KLRC1: variants seen among roughly 807,000 people sequenced by gnomAD.
KLRC1 encodes NKG2-A/NKG2-B type II integral membrane protein.
In KLRC1, 22 loss-of-function variants were observed where a neutral mutation model predicts 25.9. The observed-to-expected ratio is 0.85, with a 90% CI of 0.61 to 1.21. KLRC1 has a LOEUF of 1.21. KLRC1 is among the 50% of genes most tolerant of loss of function. KLRC1 has a pLI of 0.00. For missense variants in KLRC1, 240 were observed against 272.2 expected, an observed-to-expected ratio of 0.88 and a Z score of 0.83; for synonymous variants, 77 against 93.1, an observed-to-expected ratio of 0.83 and a Z score of 0.99.
downstream of KLRC1, among the ~76,000 whole-genome samples, chr12:10,443,031 GTTAA>G (rs1159733217): frequency 8.4e-6 from 1 of 118,606 alleles, no homozygotes; most frequent in Non-Finnish European, 1.8e-5. Flanking sequence ...GGTGAAAATG[GTTAA>G]TTAATGGGTA....
intron 1 of KLRC1, among the ~76,000 whole-genome samples, chr12:10,452,015 T>C (rs976673099): frequency 2.6e-5 from 4 of 151,758 alleles, no homozygotes; most frequent in Non-Finnish European, 5.9e-5. Context: ...TGAAATGTTC[T>C]AAGAAATTAT....
rs995504882 is a variant in KLRC1 at position 10,450,891 on chromosome 12, C to T, written c.187+79G>A. On this transcript the variant is annotated intron_variant, in intron 2 of 6. Transcript: ENST00000359151. ...TGCAAATAGAAGATATATGAGCACTCCCTTCTCTTTCCCCACATTCCTGTA... is the reference window on the plus strand; with the variant it reads ...TGCAAATAGAAGATATATGAGCACTTCCTTCTCTTTCCCCACATTCCTGTA... The T allele has an allele frequency of 8.7e-6, 9 of 1,035,272 alleles. No individual in the cohort carries two copies. In the African/African-American group the frequency reaches 1.3e-4, roughly 15 times the overall value. 64.1% of individuals were successfully genotyped at this position (1,035,272 alleles called of 1,614,324 possible). A position where few individuals can be genotyped will look rare whatever the true frequency, so the allele number is the denominator to read the frequency against.
intron 6 of KLRC1, 68 bp downstream of exon 6, chr12:10,447,464 T>G (rs1430514840): frequency 1.6e-6 from 2 of 1,261,728 alleles, no homozygotes; most frequent in African/African-American, 3.1e-5. Flanking sequence ...ATAGATTTAT[T>G]CATATTATTC....
At chr12:10,443,722 C>T (rs1173425679), downstream of KLRC1, among the ~76,000 whole-genome samples, 1 of 141,050 alleles carries the variant, frequency 7.1e-6, no homozygotes, top group Non-Finnish European at 1.5e-5. Flanking sequence ...TTCCCAAATA[C>T]ACTGTAATCT....
downstream of KLRC1, among the ~76,000 whole-genome samples, chr12:10,445,157 A>G (rs1159905738): frequency 6.6e-6 from 1 of 151,722 alleles, no homozygotes; most frequent in Non-Finnish European, 1.5e-5. Flanking sequence ...TGACCTCCTG[A>G]TCCACCGGCC....
At chr12:10,448,421 T>C (rs1341611006) in intron 5 of KLRC1, among the ~76,000 whole-genome samples, 1 of 152,160 alleles carries the variant, frequency 6.6e-6, no homozygotes, top group African/African-American at 2.4e-5. Flanking sequence ...CAGGCAAGGC[T>C]GGTACCACTG....
Position 10,449,231 on chromosome 12 carries a change from T to C in KLRC1, c.489+6A>G, listed in dbSNP as rs1864068470. 6.2e-7 allele frequency: 1 copy of C among 1,613,584 alleles called. No homozygotes were observed. The highest frequency in any genetic ancestry group is 1.3e-5 in the African/African-American group (1 of 74,904). ...TCATAAAGTGTTTAAAACATTTACA[T>C]CTTACCATTTCTTCTTCATTATCTA... On this transcript the variant is annotated splice_donor_region_variant and intron_variant, in intron 5 of 6. Coordinates refer to ENST00000359151, the MANE Select transcript of KLRC1 (RefSeq NM_002259.5).
intron 5 of KLRC1, 64 bp downstream of exon 5, chr12:10,449,173 T>C (rs987312707): frequency 1.9e-6 from 3 of 1,600,780 alleles, no homozygotes; most frequent in African/African-American, 2.7e-5. Flanking sequence ...ATGGATGATT[T>C]CTACAAATAT....
Position 10,453,347 on chromosome 12 carries a change from C to A in KLRC1, c.-181G>T, listed in dbSNP as rs980688689. 4.1e-6 allele frequency: 4 copies of A among 985,204 alleles called. No homozygotes were observed. The East Asian group carries it at 4.5e-4, about 112-fold the overall frequency. The allele number at this position is 985,204 out of a possible 1,614,324, so 61.0% of individuals were successfully genotyped here. ...AATGCCTGCAATCTTCGCAGACTGCCCTGTGAAGGCTCAGAGTGAGTCAAG... is the reference window on the plus strand; with the variant it reads ...AATGCCTGCAATCTTCGCAGACTGCACTGTGAAGGCTCAGAGTGAGTCAAG... On this transcript the variant is annotated 5_prime_UTR_variant, in exon 1 of 7. Coordinates refer to ENST00000359151, the MANE Select transcript of KLRC1 (RefSeq NM_002259.5).
At position 10,450,052 on chromosome 12, in the gene KLRC1, TA is replaced by T; in HGVS notation, c.284-86del. On this transcript the variant is annotated intron_variant, in intron 3 of 6. Coordinates refer to ENST00000359151, the MANE Select transcript of KLRC1 (RefSeq NM_002259.5). ...TTAAGTTTTTGTTTGAATTTTTTTG[TA>T]TTATTTAGAGTTAGAATAATATGGA... 2.7e-6 allele frequency: 3 copies of T among 1,095,848 alleles called. No individual in the cohort carries two copies. The South Asian group carries it at 6.1e-5, about 22-fold the overall frequency. 67.9% of individuals were successfully genotyped at this position (1,095,848 alleles called of 1,614,324 possible). A position where few individuals can be genotyped will look rare whatever the true frequency, so the allele number is the denominator to read the frequency against.
chr12:10,450,326 T>C (rs12824474), intron 3 of KLRC1, 158 bp downstream of exon 3: 177,209 of 518,992 alleles, frequency 0.34, 32,808 homozygotes, highest in African/African-American at 0.54. Flanking sequence ...AATTATTCTT[T>C]CATTTATTCT....
chr12:10,449,983 T>G lies in KLRC1; in HGVS notation c.284-16A>C. 2 of 1,444,170 alleles carry G rather than the reference T, an allele frequency of 1.4e-6. No homozygotes were observed. Among genetic ancestry groups the G allele is most frequent in the Non-Finnish European group, 1.8e-6 (2 of 1,088,592 alleles). 89.5% of individuals were successfully genotyped at this position (1,444,170 alleles called of 1,614,324 possible). ...ATTAATGTAGCTAGAAAAATTAAAG[T>G]AATCTTTGTAAAAAAATTAGCATCT... On this transcript the variant is annotated splice_polypyrimidine_tract_variant and intron_variant, in intron 3 of 6. Transcript: ENST00000359151.
downstream of KLRC1, among the ~76,000 whole-genome samples, chr12:10,445,019 A>C (rs1271325180): frequency 6.9e-6 from 1 of 145,666 alleles, no homozygotes; most frequent in East Asian, 2.1e-4. Context: ...CCCTGGTTTG[A>C]AGTGATTCTC....
chr12:10,447,595 C>T lies in KLRC1; in HGVS notation c.527G>A (p.Gly176Asp), dbSNP rs1338737211. The T allele has an allele frequency of 1.2e-6, 2 of 1,608,816 alleles. No homozygotes were observed. The highest frequency in any genetic ancestry group is 8.5e-7 in the Non-Finnish European group (1 of 1,177,324). ...ATGATGACTGCTGTTACGAAACACACCAATCCATGAGGATGGTGAAATGAT... is the reference window on the plus strand; with the variant it reads ...ATGATGACTGCTGTTACGAAACACATCAATCCATGAGGATGGTGAAATGAT... ...LSIISPSSWIGVFRNSSHHPW... is the reference protein window; with the variant it reads ...LSIISPSSWIDVFRNSSHHPW... Residue 176 changes from glycine (G) to aspartate (D), a missense_variant, in exon 6 of 7, where the codon GGT becomes GAT. Gly to Asp is a moderately conservative substitution (Grantham distance 94). Coordinates refer to ENST00000359151, the MANE Select transcript of KLRC1 (RefSeq NM_002259.5).
Position 10,451,214 on chromosome 12 carries a change from A to G in KLRC1, c.-31-27T>C, listed in dbSNP as rs529873674. The G allele has an allele frequency of 2.3e-4, 323 of 1,425,280 alleles. 3 individuals carry two copies. The South Asian group carries it at 4.4e-3, about 19-fold the overall frequency. The allele number at this position is 1,425,280 out of a possible 1,614,324, so 88.3% of individuals were successfully genotyped here. On this transcript the variant is annotated intron_variant, in intron 1 of 6. Coordinates refer to ENST00000359151, the MANE Select transcript of KLRC1 (RefSeq NM_002259.5). Reference sequence around the variant, plus strand: ...TATAATAACAGTAGTTAAGAAGTTAATAAATGGTTTATATACAGGATTCCC... The same window carrying G: ...TATAATAACAGTAGTTAAGAAGTTAGTAAATGGTTTATATACAGGATTCCC...
intron 6 of KLRC1, 54 bp downstream of exon 6, chr12:10,447,478 T>G: frequency 2.9e-6 from 4 of 1,361,294 alleles, no homozygotes; most frequent in Non-Finnish European, 4.1e-6. Context: ...ATTATTCTTC[T>G]GAATTTATCC....
intron 1 of KLRC1, among the ~76,000 whole-genome samples, chr12:10,451,865 CTA>C (rs1864133425): frequency 2.6e-5 from 4 of 152,002 alleles, no homozygotes; most frequent in Admixed American, 1.3e-4. Context: ...ATGGTTAAGA[CTA>C]TGTGGTCTGC....
At chr12:10,450,661 T>G in intron 2 of KLRC1, 82 bp from the exon 3 acceptor site, 1 of 854,462 alleles carries the variant, frequency 1.2e-6, no homozygotes, top group East Asian at 2.5e-5. Context: ...AGAACCTGAA[T>G]GCACAGGAAT....
At chr12:10,442,853 C>A, downstream of KLRC1, among the ~76,000 whole-genome samples, 1 of 45,004 alleles carries the variant, frequency 2.2e-5, no homozygotes, top group Admixed American at 2.3e-4. Context: ...TGAATGGAAC[C>A]AGGGGTCATT....
Sources: allele counts gnomAD v4.1 joint callset (sites outside exome capture counted in the v4.1 genomes callset), GRCh38; gene constraint gnomAD v4.1.1; transcripts MANE v1.5; gene names NCBI Gene and HGNC (gene_info 2026-07-23, HGNC 2026-07-21).